TXNDC8: variants seen among roughly 807,000 people sequenced by gnomAD.
TXNDC8 encodes thioredoxin domain-containing protein 8.
A neutral mutation model predicts 12.9 loss-of-function variants in TXNDC8; 15 were observed. That is an observed-to-expected ratio of 1.16 (90% confidence interval 0.78 to 1.79). The LOEUF (loss-of-function observed/expected upper bound fraction) is 1.79. TXNDC8 is among the 40% of genes most tolerant of loss of function. The pLI is 0.00. For missense variants in TXNDC8, 128 were observed against 113.2 expected (o/e 1.13, Z -0.59); for synonymous variants, 40 against 35.4 (o/e 1.13, Z -0.46).
chr9:110,311,547 A>C lies in TXNDC8; in HGVS notation c.196-7015T>G, dbSNP rs563186893. 1.3e-3 allele frequency among the ~76,000 whole-genome samples: 167 copies of C among 129,276 alleles called. 1 individual carries two copies. Among genetic ancestry groups the C allele is most frequent in the African/African-American group, 4.5e-3 (154 of 34,240 alleles). The allele number at this position is 129,276 out of a possible 152,430, so 84.8% of individuals were successfully genotyped here. A position where few individuals can be genotyped will look rare whatever the true frequency, so the allele number is the denominator to read the frequency against. On this transcript the variant is annotated intron_variant, in intron 3 of 4. Transcript: ENST00000423740. ...TATATATATATATATATATATATAT[A>C]TATATATATATCTCCATACTATATA...
chr9:110,301,339 A>T (rs547823666), downstream of TXNDC8, among the ~76,000 whole-genome samples: 14 of 152,358 alleles, frequency 9.2e-5, no homozygotes, highest in South Asian at 2.7e-3. Flanking sequence ...ATGAATGCAA[A>T]GGGTTTAGGA....
intron 3 of TXNDC8, among the ~76,000 whole-genome samples, chr9:110,320,783 G>T (rs79147268): frequency 0.012 from 1,884 of 152,242 alleles, 42 homozygotes; most frequent in South Asian, 0.083. Flanking sequence ...CAAAGTTTTG[G>T]GTCCCCCATC....
chr9:110,318,762 A>T (rs1023418301), intron 3 of TXNDC8, among the ~76,000 whole-genome samples: 9 of 152,220 alleles, frequency 5.9e-5, no homozygotes, highest in Non-Finnish European at 1.2e-4. Flanking sequence ...TTTAAGGGGT[A>T]GCTGCCAAAA....
intron 3 of TXNDC8, chr9:110,323,568 A>G (rs2118819133): frequency 4.5e-6 from 1 of 221,956 alleles, no homozygotes; most frequent in Admixed American, 5.9e-5. Context: ...TCTTTTAACA[A>G]TTACACCATG....
chr9:110,337,713 CA>C, intron 1 of TXNDC8, 59 bp downstream of exon 1: 1 of 1,548,864 alleles, frequency 6.5e-7, no homozygotes. Flanking sequence ...TAAAGTTTTT[CA>C]AATCTGTTCC....
chr9:110,324,689 G>A (rs1003937657), intron 3 of TXNDC8, among the ~76,000 whole-genome samples: 1 of 151,708 alleles, frequency 6.6e-6, no homozygotes, highest in African/African-American at 2.4e-5. Context: ...AGGTATTTCT[G>A]TACCGAAAGT....
intron 3 of TXNDC8, chr9:110,323,519 A>G: frequency 4.7e-6 from 1 of 213,228 alleles, no homozygotes. Context: ...TGAGGGAATG[A>G]GTGGAAAATG....
At chr9:110,331,008 C>T (rs1181841124) in intron 2 of TXNDC8, among the ~76,000 whole-genome samples, 1 of 151,890 alleles carries the variant, frequency 6.6e-6, no homozygotes, top group Non-Finnish European at 1.5e-5. Flanking sequence ...TGAATTCTTT[C>T]CCTCTCTTGA....
chr9:110,321,264 G>A (rs1034369961), intron 3 of TXNDC8, among the ~76,000 whole-genome samples: 2 of 152,172 alleles, frequency 1.3e-5, no homozygotes, highest in African/African-American at 2.4e-5. Context: ...TTTGAGCAGA[G>A]GAGGCAATCC....
intron 3 of TXNDC8, among the ~76,000 whole-genome samples, chr9:110,305,856 T>TTTTTC (rs148102397): frequency 1.2e-4 from 15 of 124,250 alleles, no homozygotes; most frequent in Non-Finnish European, 1.9e-4. Context: ...CTTTTCTTTC[T>TTTTTC]TTTTCTTTTC....
chr9:110,337,236 C>T (rs529424086), intron 1 of TXNDC8, among the ~76,000 whole-genome samples: 71 of 152,272 alleles, frequency 4.7e-4, no homozygotes, highest in African/African-American at 1.6e-3. Context: ...GCCCACACCA[C>T]CTCTTAAACG....
intron 2 of TXNDC8, among the ~76,000 whole-genome samples, chr9:110,326,975 CGTG>C (rs1315245807): frequency 1.9e-4 from 29 of 151,276 alleles, no homozygotes; most frequent in South Asian, 4.2e-4. Context: ...CACACACACA[CGTG>C]AAGACATACT....
At chr9:110,323,561 T>G (rs1375029281) in intron 3 of TXNDC8, 4 of 204,496 alleles carry the variant, frequency 2.0e-5, no homozygotes, top group Non-Finnish European at 3.7e-5. Context: ...ATTCTACTCT[T>G]TTAACAATTA....
chr9:110,314,769 C>T (rs1215042274), intron 3 of TXNDC8, among the ~76,000 whole-genome samples: 1 of 152,150 alleles, frequency 6.6e-6, no homozygotes, highest in East Asian at 1.9e-4. Context: ...AGACATGTCT[C>T]AGATATTCAG....
At chr9:110,304,325 G>T in intron 4 of TXNDC8, 142 bp downstream of exon 5, 1 of 664,752 alleles carries the variant, frequency 1.5e-6, no homozygotes, top group Non-Finnish European at 2.5e-6. Flanking sequence ...TTACTGCCCG[G>T]TGTGCTGCAG....
chr9:110,310,208 TG>T (rs1838613420), intron 3 of TXNDC8, among the ~76,000 whole-genome samples: 1 of 151,998 alleles, frequency 6.6e-6, no homozygotes, highest in African/African-American at 2.4e-5. Flanking sequence ...GTGGTGTGTG[TG>T]TGTGTGTGTG....
intron 3 of TXNDC8, among the ~76,000 whole-genome samples, chr9:110,305,088 C>T (rs1838381111): frequency 7.7e-6 from 1 of 130,470 alleles, no homozygotes; most frequent in Non-Finnish European, 1.5e-5. Context: ...GTGGAGGTTG[C>T]AGTGAGCCAC....
chr9:110,336,472 G>A (rs1358701598), intron 1 of TXNDC8, among the ~76,000 whole-genome samples: 2 of 152,164 alleles, frequency 1.3e-5, no homozygotes, highest in South Asian at 2.1e-4. Flanking sequence ...TCCAGTAGTT[G>A]TTGTTTGGGT....
intron 2 of TXNDC8, among the ~76,000 whole-genome samples, chr9:110,327,326 A>AT (rs59735243): frequency 0.086 from 9,855 of 114,032 alleles, 442 homozygotes; most frequent in Admixed American, 0.15. Context: ...TATACTATAT[A>AT]TTTTTTTTTT....
Sources: allele counts gnomAD v4.1 joint callset (sites outside exome capture counted in the v4.1 genomes callset), GRCh38; gene constraint gnomAD v4.1.1; transcripts MANE v1.5; gene names NCBI Gene and HGNC (gene_info 2026-07-23, HGNC 2026-07-21).